SLC26A7: variants seen among roughly 807,000 people sequenced by gnomAD.
The protein encoded by SLC26A7 is solute carrier family 26 member 7.
SLC26A7 carries 59 observed loss-of-function variants against 82.5 expected under a neutral mutation model. The observed-to-expected ratio is 0.72, with a 90% CI of 0.58 to 0.89. The LOEUF (loss-of-function observed/expected upper bound fraction) is 0.89. SLC26A7 is among the 40% of genes least tolerant of loss of function. SLC26A7 has a pLI of 0.00. For missense variants in SLC26A7, 820 were observed against 793.0 expected (o/e 1.03, Z -0.41); for synonymous variants, 271 against 274.3 (o/e 0.99, Z 0.12).
chr8:91,219,096 T>C, intron 2 of SLC26A7: 1 of 504,592 alleles, frequency 2.0e-6, no homozygotes, highest in Non-Finnish European at 3.5e-6. Flanking sequence ...GCCTGTTCTC[T>C]TTGTCAACAC....
At chr8:91,394,258 C>T (rs759284692) in intron 18 of SLC26A7, 1 of 1,613,404 alleles carries the variant, frequency 6.2e-7, no homozygotes, top group Admixed American at 1.7e-5. Context: ...GATCTTCCAA[C>T]AATGCCACCG....
At chr8:91,363,676 C>T in intron 13 of SLC26A7, 138 bp downstream of exon 13, 1 of 470,662 alleles carries the variant, frequency 2.1e-6, no homozygotes, top group South Asian at 2.8e-5. Flanking sequence ...TCCAGTGGTA[C>T]ATATGTGATC....
At chr8:91,216,636 T>A (rs1349308245) in intron 1 of SLC26A7, among the ~76,000 whole-genome samples, 1 of 152,140 alleles carries the variant, frequency 6.6e-6, no homozygotes, top group Non-Finnish European at 1.5e-5. Context: ...TTGTCTAGTA[T>A]ATGGAAAAGG....
chr8:91,250,867 G>T (rs1810638897), intron 2 of SLC26A7, among the ~76,000 whole-genome samples: 1 of 152,014 alleles, frequency 6.6e-6, no homozygotes, highest in Admixed American at 6.6e-5. Context: ...TACTTTATAG[G>T]ATTCCATTTT....
At chr8:91,232,940 C>T (rs1403057259) in intron 2 of SLC26A7, among the ~76,000 whole-genome samples, 2 of 152,310 alleles carry the variant, frequency 1.3e-5, no homozygotes. Context: ...TGATTACTGA[C>T]AAATTAAGAC....
intron 5 of SLC26A7, among the ~76,000 whole-genome samples, chr8:91,322,269 A>G (rs1210443033): frequency 6.6e-6 from 1 of 152,162 alleles, no homozygotes; most frequent in Non-Finnish European, 1.5e-5. Context: ...ATTTTTATTT[A>G]TAAAGGTTTT....
At chr8:91,348,428 C>T (rs1813624659) in intron 9 of SLC26A7, 2 of 845,600 alleles carry the variant, frequency 2.4e-6, no homozygotes, top group Non-Finnish European at 2.8e-6. Context: ...CATGTATGGT[C>T]ATCTTTGTAA....
At chr8:91,287,176 T>G (rs1403339153) in intron 2 of SLC26A7, among the ~76,000 whole-genome samples, 2 of 152,204 alleles carry the variant, frequency 1.3e-5, no homozygotes, top group African/African-American at 4.8e-5. Flanking sequence ...TGACATGATA[T>G]TTTGTATTTA....
rs543089788 is a variant in SLC26A7 at position 91,385,542 on chromosome 8, A to G, written c.1676-3796A>G. Among the ~76,000 whole-genome samples, 3 of 152,346 alleles carry G rather than the reference A, an allele frequency of 2.0e-5. No homozygotes were observed. The South Asian group carries it at 6.2e-4, about 32-fold the overall frequency. ...CTTCAAATAGCTTACTTAAATTATT[A>G]TCCACAACTATAAGGCATAAGCCTG... On this transcript the variant is annotated intron_variant, in intron 15 of 18. Transcript: ENST00000276609.
chr8:91,371,323 C>T (rs1321036934), intron 15 of SLC26A7, among the ~76,000 whole-genome samples: 1 of 151,578 alleles, frequency 6.6e-6, no homozygotes, highest in African/African-American at 2.4e-5. Flanking sequence ...GGGAGACGTG[C>T]AGGATGATTA....
In SLC26A7 at chr8:91,338,152, T is replaced by G. The variant is rs368908475; in HGVS notation, c.798T>G (p.Ile266Met). Residue 266 changes from isoleucine (I) to methionine (M), a missense_variant and splice_region_variant, in exon 7 of 19, where the codon ATT (isoleucine) becomes ATG (methionine). By Grantham distance (10) the Ile-to-Met change is conservative (BLOSUM62 1). Transcript: ENST00000276609. Reference sequence around the variant, plus strand: ...TTTTTTCAAATGGAACCACACAGATTATTGCTGCATCATTTGCTTGTTATT... The same window carrying G: ...TTTTTTCAAATGGAACCACACAGATGATTGCTGCATCATTTGCTTGTTATT... ...KVVLPVDLVL[I>M]IAASFACYCT... is the part of the protein sequence containing the mutation. 9.3e-6 allele frequency: 15 copies of G among 1,607,792 alleles called. No individual in the cohort carries two copies. The highest frequency in any genetic ancestry group is 1.3e-5 in the Non-Finnish European group (15 of 1,177,822).
At chr8:91,214,806 ATTT>A (rs766125366) in intron 1 of SLC26A7, among the ~76,000 whole-genome samples, 4 of 144,774 alleles carry the variant, frequency 2.8e-5, no homozygotes, top group Admixed American at 7.0e-5. Flanking sequence ...CTTGACAGAA[ATTT>A]TTTTTTTTTT....
At chr8:91,359,018 A>G (rs749925735) in intron 11 of SLC26A7, among the ~76,000 whole-genome samples, 11 of 152,350 alleles carry the variant, frequency 7.2e-5, no homozygotes, top group African/African-American at 9.6e-5. Context: ...AACATGGCAC[A>G]TGTTTACATA....
At chr8:91,337,247 G>A (rs1039914431) in intron 6 of SLC26A7, among the ~76,000 whole-genome samples, 2 of 151,996 alleles carry the variant, frequency 1.3e-5, no homozygotes, top group African/African-American at 2.4e-5. Context: ...TATATTATTG[G>A]CCATTGATTA....
intron 3 of SLC26A7, among the ~76,000 whole-genome samples, chr8:91,293,099 C>G (rs753497474): frequency 1.5e-4 from 23 of 152,114 alleles, no homozygotes; most frequent in Non-Finnish European, 3.2e-4. Context: ...GGTATTTTAT[C>G]ATCATTTTAC....
chr8:91,281,383 CTT>C (rs941890254), intron 2 of SLC26A7, among the ~76,000 whole-genome samples: 14 of 152,242 alleles, frequency 9.2e-5, no homozygotes, highest in Non-Finnish European at 1.0e-4. Flanking sequence ...GTCTAACGAT[CTT>C]TATATTGATA....
At chr8:91,267,410 A>G (rs1811143944) in intron 2 of SLC26A7, among the ~76,000 whole-genome samples, 1 of 151,830 alleles carries the variant, frequency 6.6e-6, no homozygotes, top group African/African-American at 2.4e-5. Flanking sequence ...TGATGAGAAG[A>G]GTTTTTATTA....
chr8:91,368,644 C>T (rs903662865), intron 14 of SLC26A7, among the ~76,000 whole-genome samples: 2 of 151,878 alleles, frequency 1.3e-5, no homozygotes, highest in South Asian at 4.2e-4. Flanking sequence ...AGGATGGTCT[C>T]GATCTCCTGA....
intron 3 of SLC26A7, among the ~76,000 whole-genome samples, chr8:91,290,463 G>A (rs1207555532): frequency 6.6e-6 from 1 of 152,140 alleles, no homozygotes; most frequent in Non-Finnish European, 1.5e-5. Context: ...GACTTTTCTA[G>A]TTTCTAGAGG....
Sources: allele counts gnomAD v4.1 joint callset (sites outside exome capture counted in the v4.1 genomes callset), GRCh38; gene constraint gnomAD v4.1.1; transcripts MANE v1.5; gene names NCBI Gene and HGNC (gene_info 2026-07-23, HGNC 2026-07-21).